FAM135B: variants seen among roughly 807,000 people sequenced by gnomAD.
FAM135B encodes the protein protein FAM135B.
FAM135B carries 43 observed loss-of-function variants against 127.7 expected under a neutral mutation model. That is an observed-to-expected ratio of 0.34 (90% CI 0.26 to 0.43). The LOEUF is 0.43. Among genes scored for constraint, FAM135B ranks in the 20% least tolerant of loss-of-function variants. The pLI, the probability that FAM135B is intolerant of heterozygous loss-of-function variation, is 1.00. For missense variants in FAM135B, 1,558 were observed against 1,725.6 expected, an observed-to-expected ratio of 0.90 and a Z score of 1.72; for synonymous variants, 670 against 665.1, an observed-to-expected ratio of 1.01 and a Z score of -0.11.
intron 17 of FAM135B, among the ~76,000 whole-genome samples, chr8:138,139,744 C>T (rs1435565945): frequency 5.3e-5 from 8 of 152,084 alleles, no homozygotes; most frequent in Non-Finnish European, 7.4e-5. Context: ...CCAGCCTGGG[C>T]GACAAAAGCA....
chr8:138,416,504 C>G (rs1035307384), intron 1 of FAM135B, among the ~76,000 whole-genome samples: 1 of 152,010 alleles, frequency 6.6e-6, no homozygotes, highest in African/African-American at 2.4e-5. Context: ...GTGTTATCAT[C>G]CTTTTAGTCT....
rs1485809800 is a variant in FAM135B at position 138,132,850 on chromosome 8, A to G, written c.4016-52T>C. The G allele has an allele frequency of 6.5e-7, 1 of 1,542,936 alleles. No homozygotes were observed. Among genetic ancestry groups the G allele is most frequent in the East Asian group, 2.2e-5 (1 of 44,500 alleles). On this transcript the variant is annotated intron_variant, in intron 19 of 19. Transcript: ENST00000395297. The surrounding 1 kb of genome is among the most constrained non-coding windows in gnomAD (Gnocchi z 4.5). ...AGCTGGTGCAGAAATTAGCAGTGGA[A>G]TCTAGAGAACATCACTAGATGTGTG...
rs1342626241 is a variant in FAM135B, at chr8:138,177,507, T to C, written c.1030-87A>G. 26 of 1,175,650 alleles carry C rather than the reference T, an allele frequency of 2.2e-5. 1 individual carries two copies. The South Asian group carries it at 3.5e-4, about 16-fold the overall frequency. 72.8% of individuals were successfully genotyped at this position (1,175,650 alleles called of 1,614,324 possible). A position where few individuals can be genotyped will look rare whatever the true frequency, so the allele number is the denominator to read the frequency against. On this transcript the variant is annotated intron_variant, in intron 10 of 19. Coordinates refer to ENST00000395297, the MANE Select transcript of FAM135B (RefSeq NM_015912.4). The stretch of plus-strand genomic sequence containing the variant: ...TTTTTTTAATTGAGGCTCAAAAAGA[T>C]GAATGATATTTCCTAATAGGAAGAG...
At position 138,349,909 on chromosome 8, in the gene FAM135B, T is replaced by A. The variant is rs771433466; in HGVS notation, c.77+17998A>T. Among the ~76,000 whole-genome samples, 6 of 152,254 alleles carry A rather than the reference T, an allele frequency of 3.9e-5. No individual in the cohort carries two copies. The East Asian group carries it at 1.2e-3, about 29-fold the overall frequency. Reference sequence around the variant, plus strand: ...CCTCAGACAAATTATGGGATAAACATCTTCATGATGATGATCAAGAATATC... The same window carrying A: ...CCTCAGACAAATTATGGGATAAACAACTTCATGATGATGATCAAGAATATC... On this transcript the variant is annotated intron_variant, in intron 2 of 19. Transcript: ENST00000395297.
intron 1 of FAM135B, among the ~76,000 whole-genome samples, chr8:138,455,177 C>A (rs2131598185): frequency 6.6e-6 from 1 of 152,266 alleles, no homozygotes; most frequent in Admixed American, 6.5e-5. Context: ...GTTGCTGGCA[C>A]ATAGGACCTT....
chr8:138,251,624 T>A (rs1452040326), intron 5 of FAM135B, among the ~76,000 whole-genome samples: 1 of 152,166 alleles, frequency 6.6e-6, no homozygotes, highest in Non-Finnish European at 1.5e-5. Flanking sequence ...CATCAAGGAT[T>A]CCCCAATGTC....
chr8:138,454,268 T>C (rs1429065854), intron 1 of FAM135B, among the ~76,000 whole-genome samples: 1 of 152,076 alleles, frequency 6.6e-6, no homozygotes. Flanking sequence ...GGCCAAAAAA[T>C]TGGATCAGGT....
intron 9 of FAM135B, among the ~76,000 whole-genome samples, chr8:138,190,439 C>T (rs1419113737): frequency 6.6e-6 from 1 of 152,188 alleles, no homozygotes; most frequent in African/African-American, 2.4e-5. Context: ...ACTGACAAAA[C>T]AGACTCCTTG....
At chr8:138,383,578 C>T (rs879309140) in intron 1 of FAM135B, among the ~76,000 whole-genome samples, 26 of 152,202 alleles carry the variant, frequency 1.7e-4, no homozygotes, top group Non-Finnish European at 3.8e-4. Flanking sequence ...AAACCTTAAA[C>T]ACCATGATAC....
intron 3 of FAM135B, among the ~76,000 whole-genome samples, chr8:138,287,393 T>A (rs1406305695): frequency 6.6e-6 from 1 of 150,950 alleles, no homozygotes; most frequent in Admixed American, 6.6e-5. Context: ...AATATTTCCA[T>A]AAACTGCTAG....
chr8:138,350,640 A>G (rs914322091), intron 2 of FAM135B, among the ~76,000 whole-genome samples: 1 of 152,182 alleles, frequency 6.6e-6, no homozygotes, highest in African/African-American at 2.4e-5. Flanking sequence ...TTTGGTTGTG[A>G]AACAGAAAAG....
At chr8:138,168,113 C>A (rs1820111980) in intron 11 of FAM135B, 64 bp from the exon 12 acceptor site, 2 of 1,516,902 alleles carry the variant, frequency 1.3e-6, no homozygotes, top group South Asian at 2.6e-5. Flanking sequence ...CCGTTGCCCC[C>A]TCTTCCTAAT....
intron 14 of FAM135B, among the ~76,000 whole-genome samples, chr8:138,147,498 A>T (rs553237161): frequency 2.3e-4 from 35 of 152,310 alleles, no homozygotes; most frequent in African/African-American, 7.5e-4. Context: ...TTGTGTAAAT[A>T]TTCATAACTG....
intron 3 of FAM135B, among the ~76,000 whole-genome samples, chr8:138,282,424 G>A (rs921652604): frequency 6.6e-6 from 1 of 152,056 alleles, no homozygotes; most frequent in Non-Finnish European, 1.5e-5. Context: ...TTTACAAAAG[G>A]CATATTTGAT....
chr8:138,368,656 C>T (rs1830920765), intron 1 of FAM135B, among the ~76,000 whole-genome samples: 1 of 152,070 alleles, frequency 6.6e-6, no homozygotes, highest in Non-Finnish European at 1.5e-5. Flanking sequence ...GTGCTGCTGC[C>T]AGGTAGATGT....
chr8:138,391,549 C>T (rs1364799228), intron 1 of FAM135B, among the ~76,000 whole-genome samples: 1 of 152,156 alleles, frequency 6.6e-6, no homozygotes, highest in Non-Finnish European at 1.5e-5. Context: ...CAAGCACCTA[C>T]TTCTCCCTCC....
chr8:138,351,327 G>A (rs532691517), intron 2 of FAM135B, among the ~76,000 whole-genome samples: 7 of 152,256 alleles, frequency 4.6e-5, no homozygotes, highest in South Asian at 4.1e-4. Flanking sequence ...TCTGACTGGT[G>A]TCCTTATAAA....
At chr8:138,485,596 G>A (rs1031001717) in intron 1 of FAM135B, among the ~76,000 whole-genome samples, 2 of 152,132 alleles carry the variant, frequency 1.3e-5, no homozygotes, top group Non-Finnish European at 2.9e-5. Context: ...AGAGATAAAG[G>A]AACTAAGGTT....
intron 1 of FAM135B, among the ~76,000 whole-genome samples, chr8:138,389,612 C>T (rs1489522452): frequency 6.6e-6 from 1 of 152,082 alleles, no homozygotes; most frequent in Non-Finnish European, 1.5e-5. Context: ...GATATCCTGA[C>T]CAAGACAAAT....
Sources: gnomAD v4.1 joint callset for allele counts (sites outside exome capture counted in the v4.1 genomes callset) on GRCh38, gnomAD v4.1.1 for gene constraint, Gnocchi (gnomAD v3.1) non-coding constraint, MANE v1.5 for transcripts, NCBI Gene and HGNC (gene_info 2026-07-23, HGNC 2026-07-21) for gene names.